Variants in HEMK2 observed in about 807,000 individuals in gnomAD.
HEMK2 encodes the protein HemK methyltransferase 2, ETF1 glutamine and histone H4 lysine.
the HEMK2 span, among the ~76,000 whole-genome samples, chr21:28,744,946 T>C: frequency 5.3e-5 from 8 of 152,236 alleles, no homozygotes; most frequent in Non-Finnish European, 8.8e-5. Flanking sequence ...ACTCACATGC[T>C]GATTAATTTT....
chr21:28,864,369 T>C, the HEMK2 span, among the ~76,000 whole-genome samples: 7 of 152,196 alleles, frequency 4.6e-5, no homozygotes, highest in Non-Finnish European at 1.0e-4. Context: ...TATTAGACAC[T>C]TTAAAAAGTG....
chr21:28,588,982 C>CAAAAAAAA, the HEMK2 span, among the ~76,000 whole-genome samples: 2 of 107,314 alleles, frequency 1.9e-5, no homozygotes, highest in Admixed American at 9.4e-5. Context: ...GACACTGTCT[C>CAAAAAAAA]AAAAAAAAAA....
the HEMK2 span, among the ~76,000 whole-genome samples, chr21:28,772,802 C>G: frequency 2.0e-5 from 3 of 152,226 alleles, no homozygotes; most frequent in East Asian, 1.9e-4. Flanking sequence ...TCTGTATTCA[C>G]TAGGCATATG....
the HEMK2 span, among the ~76,000 whole-genome samples, chr21:28,629,098 A>C: frequency 1.3e-5 from 2 of 152,204 alleles, no homozygotes; most frequent in Non-Finnish European, 2.9e-5. Flanking sequence ...CCCCATACAC[A>C]AGGACTTTTA....
the HEMK2 span, among the ~76,000 whole-genome samples, chr21:28,629,050 G>C: frequency 6.6e-6 from 1 of 152,100 alleles, no homozygotes; most frequent in Non-Finnish European, 1.5e-5. Flanking sequence ...GGAAGGCTTG[G>C]GATCTACATT....
the HEMK2 span, among the ~76,000 whole-genome samples, chr21:28,613,151 T>C: frequency 6.6e-6 from 1 of 151,916 alleles, no homozygotes; most frequent in Non-Finnish European, 1.5e-5. Context: ...TACCTAAATA[T>C]ATATATATAT....
the HEMK2 span, among the ~76,000 whole-genome samples, chr21:28,837,485 C>A: frequency 1.3e-5 from 2 of 152,138 alleles, no homozygotes; most frequent in Admixed American, 1.3e-4. Context: ...TTTAAAAATT[C>A]TTTGAACTGA....
chr21:28,836,620 G>T, the HEMK2 span, among the ~76,000 whole-genome samples: 1 of 151,830 alleles, frequency 6.6e-6, no homozygotes, highest in Non-Finnish European at 1.5e-5. Flanking sequence ...AAGTATACAG[G>T]CAACAAAGAG....
the HEMK2 span, among the ~76,000 whole-genome samples, chr21:28,838,966 A>ATATATATAT: frequency 1.2e-4 from 6 of 49,430 alleles, no homozygotes; most frequent in African/African-American, 5.5e-4. Context: ...AAAAAAAAAA[A>ATATATATAT]AAAAAAATAT....
the HEMK2 span, among the ~76,000 whole-genome samples, chr21:28,715,887 T>C: frequency 6.9e-4 from 105 of 152,348 alleles, 2 homozygotes; most frequent in South Asian, 7.7e-3. Flanking sequence ...GCACCATTGA[T>C]TGAATAGACA....
the HEMK2 span, among the ~76,000 whole-genome samples, chr21:28,828,168 G>T: frequency 1.3e-5 from 2 of 151,878 alleles, no homozygotes; most frequent in African/African-American, 4.8e-5. Context: ...TGATATAAGC[G>T]TAAGACCCAC....
chr21:28,747,970 C>T, the HEMK2 span, among the ~76,000 whole-genome samples: 4 of 152,200 alleles, frequency 2.6e-5, no homozygotes, highest in African/African-American at 4.8e-5. Flanking sequence ...CTCTTCTCAA[C>T]GTGGATGCAG....
chr21:28,681,826 G>T, the HEMK2 span, among the ~76,000 whole-genome samples: 2 of 152,078 alleles, frequency 1.3e-5, no homozygotes, highest in African/African-American at 2.4e-5. Context: ...AATAAATGGT[G>T]CTGGGAGAAC....
chr21:28,738,492 C>A, the HEMK2 span, among the ~76,000 whole-genome samples: 2 of 152,212 alleles, frequency 1.3e-5, no homozygotes, highest in South Asian at 4.1e-4. Context: ...GAACGTCTCC[C>A]TCTTGCTGTC....
At chr21:28,748,199 C>T in the HEMK2 span, among the ~76,000 whole-genome samples, 6 of 152,168 alleles carry the variant, frequency 3.9e-5, no homozygotes. Context: ...ATTCAAACCC[C>T]AAGTCTCAGC....
the HEMK2 span, among the ~76,000 whole-genome samples, chr21:28,806,293 G>C: frequency 6.6e-6 from 1 of 152,168 alleles, no homozygotes; most frequent in South Asian, 2.1e-4. Flanking sequence ...CAAGGCAATA[G>C]TTTAATGAAT....
the HEMK2 span, among the ~76,000 whole-genome samples, chr21:28,744,391 A>C: frequency 6.6e-6 from 1 of 152,066 alleles, no homozygotes; most frequent in African/African-American, 2.4e-5. Context: ...AAAATAGAAA[A>C]GCATGGATTT....
chr21:28,651,346 G>A, the HEMK2 span, among the ~76,000 whole-genome samples: 1 of 152,160 alleles, frequency 6.6e-6, no homozygotes, highest in Non-Finnish European at 1.5e-5. Context: ...TACCAGAAGT[G>A]TGATTTAGAA....
At chr21:28,860,909 T>C in the HEMK2 span, among the ~76,000 whole-genome samples, 1 of 152,152 alleles carries the variant, frequency 6.6e-6, no homozygotes, top group South Asian at 2.1e-4. Flanking sequence ...AGCTGAAATA[T>C]GGATTAAAAG....
Sources: gnomAD v4.1 joint callset for allele counts (sites outside exome capture counted in the v4.1 genomes callset) on GRCh38, gnomAD v4.1.1 for gene constraint, MANE v1.5 for transcripts, NCBI Gene and HGNC (gene_info 2026-07-23, HGNC 2026-07-21) for gene names.